The following MSRA variants were observed in gnomAD, a reference collection of about 807,000 sequenced individuals.
The protein encoded by MSRA is mitochondrial peptide methionine sulfoxide reductase.
MSRA carries 54 observed loss-of-function variants against 31.3 expected under a neutral mutation model. The ratio of observed to expected loss-of-function variants is 1.73; its 90% CI spans 1.39 to 2.17. The LOEUF is 2.17. MSRA is among the 30% of genes most tolerant of loss of function. The pLI is 0.00. For synonymous variants in MSRA, 169 were observed against 116.5 expected (o/e 1.45, Z -2.90); for missense variants, 507 against 300.9 (o/e 1.69, Z -5.07).
chr8:10,099,011 C>G (rs1179689594), intron 1 of MSRA, among the ~76,000 whole-genome samples: 1 of 152,174 alleles, frequency 6.6e-6, no homozygotes, highest in Non-Finnish European at 1.5e-5. Flanking sequence ...CAGCATGGCC[C>G]TTTGAAAGAA....
At chr8:10,412,043 ATCT>A (rs1808189843) in intron 5 of MSRA, among the ~76,000 whole-genome samples, 1 of 152,218 alleles carries the variant, frequency 6.6e-6, no homozygotes. Flanking sequence ...TACAGCAGAA[ATCT>A]TCTGATGCAA....
intron 1 of MSRA, among the ~76,000 whole-genome samples, chr8:10,197,329 A>G (rs1293299416): frequency 6.6e-6 from 1 of 152,138 alleles, no homozygotes; most frequent in Admixed American, 6.5e-5. Context: ...GTGAAAATGG[A>G]TTTCTTCTAA....
intron 3 of MSRA, among the ~76,000 whole-genome samples, chr8:10,285,721 C>G (rs1158090807): frequency 6.6e-6 from 1 of 151,932 alleles, no homozygotes; most frequent in Non-Finnish European, 1.5e-5. Flanking sequence ...TCAGCTTCCA[C>G]GTATGAGAGA....
At chr8:10,062,744 A>G (rs1463811111) in intron 1 of MSRA, among the ~76,000 whole-genome samples, 2 of 152,176 alleles carry the variant, frequency 1.3e-5, no homozygotes, top group East Asian at 1.9e-4. Context: ...GGTTTTTCCT[A>G]TCGCATCAGA....
intron 3 of MSRA, among the ~76,000 whole-genome samples, chr8:10,289,525 T>A (rs1408621712): frequency 1.3e-5 from 2 of 152,196 alleles, no homozygotes; most frequent in Non-Finnish European, 2.9e-5. Flanking sequence ...ACAATCCATT[T>A]ATTTTCTTTT....
rs373645783 is a variant in MSRA, at chr8:10,128,482, T to C, written c.142+73824T>C. ...GCTGGATTTGCCATATCTGACTTTG[T>C]CTGTTTCTAGGATATTCGAAATTCT... On this transcript the variant is annotated intron_variant, in intron 1 of 5. Coordinates refer to ENST00000317173, the MANE Select transcript of MSRA (RefSeq NM_012331.5). Among the ~76,000 whole-genome samples the C allele has an allele frequency of 5.3e-5, 8 of 152,298 alleles. No homozygotes were observed. The East Asian group carries it at 7.7e-4, about 15-fold the overall frequency.
intron 1 of MSRA, among the ~76,000 whole-genome samples, chr8:10,070,575 A>C (rs1366378819): frequency 1.3e-5 from 2 of 152,228 alleles, no homozygotes; most frequent in Non-Finnish European, 2.9e-5. Context: ...GGATATTGAC[A>C]ATGACAGAGT....
chr8:10,283,322 A>G (rs574845670), intron 3 of MSRA, among the ~76,000 whole-genome samples: 2 of 152,066 alleles, frequency 1.3e-5, no homozygotes. Flanking sequence ...TGCCTTCAGA[A>G]CCCTCTTCAT....
At chr8:10,086,637 T>C (rs1012857572) in intron 1 of MSRA, among the ~76,000 whole-genome samples, 1 of 152,200 alleles carries the variant, frequency 6.6e-6, no homozygotes, top group Non-Finnish European at 1.5e-5. Context: ...GCAAAGTGTT[T>C]CTTATTGTGG....
chr8:10,292,292 A>C (rs1456974336), intron 3 of MSRA, among the ~76,000 whole-genome samples: 1 of 152,192 alleles, frequency 6.6e-6, no homozygotes, highest in Non-Finnish European at 1.5e-5. Context: ...CAGATGCAGC[A>C]CGAGGGCTCC....
intron 5 of MSRA, among the ~76,000 whole-genome samples, chr8:10,417,208 T>G (rs972131040): frequency 1.3e-5 from 2 of 152,290 alleles, no homozygotes; most frequent in Non-Finnish European, 2.9e-5. Flanking sequence ...GGAGGGTCAG[T>G]GAGCTCCGAT....
At chr8:10,283,836 T>TATATATATATATATATATATATAC (rs1261287031) in intron 3 of MSRA, among the ~76,000 whole-genome samples, 1 of 53,162 alleles carries the variant, frequency 1.9e-5, no homozygotes, top group Non-Finnish European at 3.2e-5. Flanking sequence ...TATATATATA[T>TATATATATATATATATATATATAC]ACACACACAC....
chr8:10,126,317 G>C (rs999060142), intron 1 of MSRA, among the ~76,000 whole-genome samples: 1 of 152,080 alleles, frequency 6.6e-6, no homozygotes, highest in Non-Finnish European at 1.5e-5. Context: ...TATGAATGAA[G>C]TAAAATAGTA....
chr8:10,383,369 CA>C lies in MSRA; in HGVS notation c.544-44776del, dbSNP rs549779388. ...GGTTCACCTCGCACAGGGTCAGTTT[CA>C]AAGCGTGTGTGTTGTGTGTTTCTGT... On this transcript the variant is annotated intron_variant, in intron 5 of 5. Transcript: ENST00000317173. Among the ~76,000 whole-genome samples the C allele has an allele frequency of 1.1e-3, 170 of 152,278 alleles. 2 individuals are homozygous for C. The highest frequency in any genetic ancestry group is 3.4e-3 in the Middle Eastern group (1 of 294).
chr8:10,218,045 G>C (rs17151367), intron 2 of MSRA, among the ~76,000 whole-genome samples: 36,926 of 151,756 alleles, frequency 0.24, 4,819 homozygotes, highest in East Asian at 0.42. Context: ...CCGAGAGTGA[G>C]AGGGCTGATC....
At chr8:10,284,462 G>C (rs1406836376) in intron 3 of MSRA, among the ~76,000 whole-genome samples, 1 of 152,148 alleles carries the variant, frequency 6.6e-6, no homozygotes, top group Non-Finnish European at 1.5e-5. Context: ...CCAAAGTGCT[G>C]GGATTACAGG....
intron 3 of MSRA, among the ~76,000 whole-genome samples, chr8:10,275,958 C>A (rs2952161): frequency 1.3e-5 from 2 of 152,124 alleles, no homozygotes; most frequent in Non-Finnish European, 2.9e-5. Flanking sequence ...AAAGTGAAAT[C>A]GCACTGCTAA....
chr8:10,326,227 G>A (rs909953981), intron 5 of MSRA, among the ~76,000 whole-genome samples: 6 of 152,210 alleles, frequency 3.9e-5, no homozygotes, highest in African/African-American at 1.4e-4. Flanking sequence ...TATATGTGAA[G>A]TTTGGAGTGA....
At chr8:10,239,220 G>T (rs1401317510) in intron 2 of MSRA, among the ~76,000 whole-genome samples, 5 of 151,952 alleles carry the variant, frequency 3.3e-5, no homozygotes, top group Non-Finnish European at 1.5e-5. Context: ...GGAGTGCAGT[G>T]GTGCAATCTC....
Sources: allele counts gnomAD v4.1 joint callset (sites outside exome capture counted in the v4.1 genomes callset), GRCh38; gene constraint gnomAD v4.1.1; transcripts MANE v1.5; gene names NCBI Gene and HGNC (gene_info 2026-07-23, HGNC 2026-07-21).